Variants in ATRX observed in about 807,000 individuals in gnomAD.
ATRX encodes the protein ATRX chromatin remodeler.
ATRX carries 12 observed loss-of-function variants against 172.6 expected under a neutral mutation model. The ratio of observed to expected loss-of-function variants is 0.07; its 90% CI spans 0.04 to 0.11. ATRX has a LOEUF of 0.11. ATRX is among the 10% of genes least tolerant of loss of function. The probability of loss-of-function intolerance (pLI) is 1.00; values close to 1 mark genes in which losing one functional copy is unlikely to be tolerated. For synonymous variants in ATRX, 674 were observed against 594.7 expected (o/e 1.13, Z -1.94); for missense variants, 1,368 against 1,767.4 (o/e 0.77, Z 4.05).
At position 77,635,962 on chromosome X, in the gene ATRX, T is replaced by C. The variant is rs2148358774; in HGVS notation, c.4652A>G (p.Gln1551Arg). 1 of 1,208,204 alleles carries C rather than the reference T, an allele frequency of 8.3e-7. No individual in the cohort carries two copies. Among genetic ancestry groups the C allele is most frequent in the Non-Finnish European group, 1.1e-6 (1 of 892,667 alleles). Residue 1551 changes from glutamine (Q) to arginine (R), a missense_variant, in exon 16 of 35, where the codon CAG (glutamine) becomes CGG (arginine). Physicochemically the swap from Gln to Arg is conservative, Grantham distance 43 (BLOSUM62 1). This residue lies in a region of ATRX where 27 missense variants were observed against 110.8 expected (regional missense o/e 0.24). Coordinates refer to ENST00000373344, the MANE Select transcript of ATRX (RefSeq NM_000489.6). ...EDEETKEPLV[Q>R]VHRNMVIKLK... ...TTTGATAACCATATTTCTATGAACCTGCACTAAAGGTTCTTTGGTTTCTTC... is the reference window on the plus strand; with the variant it reads ...TTTGATAACCATATTTCTATGAACCCGCACTAAAGGTTCTTTGGTTTCTTC...
chrX:77,574,192 T>A lies in ATRX; in HGVS notation c.6326+58A>T. The A allele has an allele frequency of 3.7e-6, 3 of 813,938 alleles. No homozygotes were observed. In the Admixed American group the frequency reaches 7.1e-5, roughly 19 times the overall value. The allele number at this position is 813,938 out of a possible 1,213,427, so 67.1% of individuals were successfully genotyped here. A position where few individuals can be genotyped will look rare whatever the true frequency, so the allele number is the denominator to read the frequency against. On this transcript the variant is annotated intron_variant, in intron 28 of 34. Transcript: ENST00000373344. Reference sequence around the variant, plus strand: ...TACACAATAAAAATAGTGAACTTTATGTAAATTTTAAAATTAATTATTTTA... The same window carrying A: ...TACACAATAAAAATAGTGAACTTTAAGTAAATTTTAAAATTAATTATTTTA...
chrX:77,718,379 T>A (rs1270096203), intron 1 of ATRX, among the ~76,000 whole-genome samples: 1 of 106,620 alleles, frequency 9.4e-6, no homozygotes, highest in Non-Finnish European at 1.9e-5. Context: ...TTTTTTTTTT[T>A]TTTTTTTTTT....
At chrX:77,546,757 T>TAGAG (rs2064257467) in intron 30 of ATRX, among the ~76,000 whole-genome samples, 1 of 111,861 alleles carries the variant, frequency 8.9e-6, no homozygotes, top group Admixed American at 9.5e-5. Flanking sequence ...GTGCTGAGAT[T>TAGAG]AGAGGTGTGT....
Position 77,557,457 on chromosome X carries a change from C to T in ATRX, c.6693G>A (p.Leu2231=), listed in dbSNP as rs2147941070. The change falls in exon 30 of 35, where the codon CTG becomes CTA. Residue 2231 remains leucine (L), a synonymous_variant. Coordinates refer to ENST00000373344, the MANE Select transcript of ATRX (RefSeq NM_000489.6). ...EKKKKRDTPM[L]PKDTILAELL... is the part of the protein sequence containing the mutation. ...ATAATCTAAATATGTTTACCTTTGG[C>T]AGCATGGGAGTATCCCTCTTCTTCT... The T allele has an allele frequency of 8.3e-7, 1 of 1,209,939 alleles. No individual in the cohort carries two copies. Among genetic ancestry groups the T allele is most frequent in the East Asian group, 3.0e-5 (1 of 33,817 alleles).
Position 77,625,572 on chromosome X carries a change from C to T in ATRX, c.5135-5040G>A, listed in dbSNP as rs182365110. On this transcript the variant is annotated intron_variant, in intron 19 of 34. Coordinates refer to ENST00000373344, the MANE Select transcript of ATRX (RefSeq NM_000489.6). ...AGAAAAAAACCAAACAATCTTACCA[C>T]AAAGTGGGCTAAGAACATGAACAGA... is the stretch of plus-strand genomic sequence containing the variant. Among the ~76,000 whole-genome samples the T allele has an allele frequency of 7.2e-3, 811 of 112,204 alleles. 5 individuals carry two copies. Among genetic ancestry groups the T allele is most frequent in the Non-Finnish European group, 0.012 (636 of 53,090 alleles).
chrX:77,660,510 T>C (rs2069818112), intron 12 of ATRX, among the ~76,000 whole-genome samples: 1 of 109,265 alleles, frequency 9.2e-6, no homozygotes, highest in Non-Finnish European at 1.9e-5. Context: ...GCTTGCAGTG[T>C]GAGCCGAGAT....
intron 13 of ATRX, among the ~76,000 whole-genome samples, chrX:77,655,546 G>A (rs2069501779): frequency 9.0e-6 from 1 of 110,674 alleles, no homozygotes; most frequent in Non-Finnish European, 1.9e-5. Context: ...ACGAGGGCAT[G>A]GGGAATGGAA....
chrX:77,670,888 C>T (rs891452238), intron 10 of ATRX, among the ~76,000 whole-genome samples: 123 of 107,486 alleles, frequency 1.1e-3, no homozygotes, highest in Non-Finnish European at 2.2e-3. Context: ...TGGCTCATGC[C>T]TGTAATCCCA....
intron 15 of ATRX, among the ~76,000 whole-genome samples, chrX:77,647,423 G>A (rs781958836): frequency 6.1e-4 from 68 of 111,439 alleles, no homozygotes; most frequent in African/African-American, 2.0e-3. Flanking sequence ...ATTAGAGCAG[G>A]GACGAATAAA....
At chrX:77,695,492 T>C (rs2072137924) in intron 5 of ATRX, among the ~76,000 whole-genome samples, 1 of 111,186 alleles carries the variant, frequency 9.0e-6, no homozygotes, top group South Asian at 3.8e-4. Flanking sequence ...ATTTCTTACA[T>C]CATAAACACT....
chrX:77,541,017 A>G (rs141427976), intron 30 of ATRX, among the ~76,000 whole-genome samples: 4,407 of 111,743 alleles, frequency 0.039, 145 homozygotes, highest in African/African-American at 0.11. Context: ...AAAAAAATCA[A>G]TGAATCCAGG....
chrX:77,543,094 AAGAATTTAAAC>A (rs1319217802), intron 30 of ATRX, among the ~76,000 whole-genome samples: 1 of 112,249 alleles, frequency 8.9e-6, no homozygotes, highest in African/African-American at 3.2e-5. Context: ...GGAATCTACA[AAGAATTTAAAC>A]AAATTTACAA....
chrX:77,646,733 C>A (rs1436764953), intron 15 of ATRX, among the ~76,000 whole-genome samples: 3 of 110,158 alleles, frequency 2.7e-5, no homozygotes, highest in African/African-American at 9.9e-5. Context: ...CCAACCTGGG[C>A]AACACTGTAA....
chrX:77,570,640 T>C (rs1297414981), intron 28 of ATRX, among the ~76,000 whole-genome samples: 2 of 111,657 alleles, frequency 1.8e-5, no homozygotes, highest in Non-Finnish European at 3.8e-5. Flanking sequence ...ACCTAGGGCT[T>C]TGAGGAAGAG....
Position 77,755,819 on chromosome X carries a change from C to T in ATRX, c.20+30163G>A, listed in dbSNP as rs947111080. Among the ~76,000 whole-genome samples the T allele has an allele frequency of 4.5e-5, 5 of 111,908 alleles. No individual in the cohort carries two copies. The East Asian group carries it at 8.5e-4, about 19-fold the overall frequency. ...TCAGGAGGCACTGGGGTCAGGGACC[C>T]GCTTGAGGAGGCAGTCTGTCCCCTA... On this transcript the variant is annotated intron_variant, in intron 1 of 34. Transcript: ENST00000373344.
intron 17 of ATRX, 104 bp downstream of exon 17, chrX:77,634,490 T>C: frequency 1.5e-6 from 1 of 670,290 alleles, no homozygotes; most frequent in Non-Finnish European, 2.4e-6. Flanking sequence ...TCTTGTTCAC[T>C]GCTTTATCTT....
chrX:77,716,109 AATTTTTTTTTTTTTT>A (rs2073367734), intron 2 of ATRX, among the ~76,000 whole-genome samples: 1 of 67,954 alleles, frequency 1.5e-5, no homozygotes, highest in African/African-American at 6.5e-5. Context: ...TGTCTCTAAA[AATTTTTTTTTTTTTT>A]TTTTTTTTTT....
intron 1 of ATRX, among the ~76,000 whole-genome samples, chrX:77,764,051 C>T (rs986599630): frequency 1.5e-4 from 17 of 110,762 alleles, no homozygotes; most frequent in Non-Finnish European, 2.8e-4. Context: ...GAGGTCTAGG[C>T]TGCAGTGATC....
chrX:77,717,586 A>T (rs1557166050), intron 1 of ATRX, among the ~76,000 whole-genome samples: 1 of 102,800 alleles, frequency 9.7e-6, no homozygotes, highest in Non-Finnish European at 2.0e-5. Context: ...CCAAGGCAAC[A>T]GTCAGACCCT....
Sources: gnomAD v4.1 joint callset for allele counts (sites outside exome capture counted in the v4.1 genomes callset) on GRCh38, gnomAD v4.1.1 for gene constraint, gnomAD v4.1.1 regional missense constraint, MANE v1.5 for transcripts, NCBI Gene and HGNC (gene_info 2026-07-23, HGNC 2026-07-21) for gene names.